The following SMARCC1 variants were observed in gnomAD, a reference collection of about 807,000 sequenced individuals.
SMARCC1 encodes SWI/SNF complex subunit SMARCC1.
Under a neutral mutation model 147.4 loss-of-function variants are expected in SMARCC1, and 43 were observed. The ratio of observed to expected loss-of-function variants is 0.29; its 90% confidence interval spans 0.23 to 0.38. SMARCC1 has a LOEUF of 0.38. Among genes scored for constraint, SMARCC1 ranks in the 10% least tolerant of loss-of-function variants. The pLI is 1.00. For missense variants in SMARCC1, 1,119 were observed against 1,381.1 expected (o/e 0.81, Z 3.01); for synonymous variants, 495 against 484.4 (o/e 1.02, Z -0.29).
chr3:47,605,995 TA>T lies in SMARCC1; in HGVS notation c.3043+4070del, dbSNP rs141367577. ...ATCAATTCTGCAAGTATAAAGGAAG[TA>T]AAAAAAAAAAAAACTCAGCTGAATA... On this transcript the variant is annotated intron_variant, in intron 26 of 27. Transcript: ENST00000254480. Among the ~76,000 whole-genome samples the T allele has an allele frequency of 2.9e-3, 386 of 131,106 alleles. 2 individuals are homozygous for T. The highest frequency in any genetic ancestry group is 6.2e-3 in the Admixed American group (80 of 12,846). 86.0% of individuals were successfully genotyped at this position (131,106 alleles called of 152,430 possible).
intron 13 of SMARCC1, among the ~76,000 whole-genome samples, chr3:47,686,786 AC>A (rs2106769980): frequency 6.6e-6 from 1 of 152,228 alleles, no homozygotes; most frequent in Admixed American, 6.5e-5. Context: ...AAAGATCAGG[AC>A]CAGCCTGGGC....
At chr3:47,648,170 T>C (rs552661264) in intron 21 of SMARCC1, among the ~76,000 whole-genome samples, 6 of 151,906 alleles carry the variant, frequency 3.9e-5, no homozygotes, top group East Asian at 1.9e-4. Flanking sequence ...AATTTTTGTA[T>C]TTTTAGTAGA....
intron 25 of SMARCC1, among the ~76,000 whole-genome samples, chr3:47,613,539 T>C (rs2106674051): frequency 6.6e-6 from 1 of 152,172 alleles, no homozygotes; most frequent in Admixed American, 6.5e-5. Flanking sequence ...TTTGTATTTT[T>C]AGTAGAGATG....
rs147016626 is a variant in SMARCC1 at position 47,590,586 on chromosome 3, C to T, written c.3220+75G>A. 4.4e-4 allele frequency: 572 copies of T among 1,312,890 alleles called. No individual in the cohort carries two copies. In the African/African-American group the frequency reaches 7.9e-3, roughly 18 times the overall value. The allele number at this position is 1,312,890 out of a possible 1,614,324, so 81.3% of individuals were successfully genotyped here. ...GACCTGCCAAATCTCGGGGAGAGAA[C>T]AAAGCCTCCTTCCCTTATCTACAGC... On this transcript the variant is annotated intron_variant, in intron 27 of 27. Coordinates refer to ENST00000254480, the MANE Select transcript of SMARCC1 (RefSeq NM_003074.4).
chr3:47,704,407 A>G (rs886135533), intron 10 of SMARCC1, among the ~76,000 whole-genome samples: 1 of 152,214 alleles, frequency 6.6e-6, no homozygotes, highest in Non-Finnish European at 1.5e-5. Context: ...GCATACATAT[A>G]TTTTAGAGAA....
At chr3:47,602,704 T>C (rs1456858709) in intron 26 of SMARCC1, among the ~76,000 whole-genome samples, 2 of 152,242 alleles carry the variant, frequency 1.3e-5, no homozygotes, top group Non-Finnish European at 2.9e-5. Flanking sequence ...TCTTCCACTA[T>C]TAATAATGAG....
At chr3:47,756,839 C>A (rs566773364) in intron 2 of SMARCC1, among the ~76,000 whole-genome samples, 1 of 152,048 alleles carries the variant, frequency 6.6e-6, no homozygotes, top group Non-Finnish European at 1.5e-5. Context: ...CTGTATATGA[C>A]AAGTACAAAC....
At chr3:47,612,200 G>C (rs1055132485) in intron 25 of SMARCC1, among the ~76,000 whole-genome samples, 1 of 152,224 alleles carries the variant, frequency 6.6e-6, no homozygotes, top group Non-Finnish European at 1.5e-5. Flanking sequence ...TAGTAAGTAA[G>C]AGGCAAAATG....
intron 25 of SMARCC1, among the ~76,000 whole-genome samples, chr3:47,614,407 T>C (rs1345049161): frequency 6.6e-6 from 1 of 152,218 alleles, no homozygotes; most frequent in Non-Finnish European, 1.5e-5. Flanking sequence ...ATAGCAAATG[T>C]TGAACAATAG....
intron 2 of SMARCC1, among the ~76,000 whole-genome samples, chr3:47,754,925 C>T (rs1202185088): frequency 1.3e-5 from 2 of 152,068 alleles, no homozygotes; most frequent in Non-Finnish European, 2.9e-5. Context: ...CACTTGTAAT[C>T]CCAGCTACTT....
chr3:47,779,259 T>TA (rs2106884808), intron 1 of SMARCC1, among the ~76,000 whole-genome samples: 1 of 152,066 alleles, frequency 6.6e-6, no homozygotes, highest in African/African-American at 2.4e-5. Context: ...TAAAAATAAA[T>TA]AAAAAATGAC....
chr3:47,586,870 G>T lies in SMARCC1; in HGVS notation c.*1339C>A, dbSNP rs2032078884. The T allele has an allele frequency of 6.6e-6, 1 of 152,444 alleles. No homozygotes were observed. Among genetic ancestry groups the T allele is most frequent in the African/African-American group, 2.4e-5 (1 of 41,366 alleles). The allele number at this position is 152,444 out of a possible 1,614,324, so 9.4% of individuals were successfully genotyped here. A position where few individuals can be genotyped will look rare whatever the true frequency, so the allele number is the denominator to read the frequency against. ...AACTCTCAAGTCACTTATCAGCAGG[G>T]GTAAATACGAGCTCAAATTAAGGCA... On this transcript the variant is annotated 3_prime_UTR_variant, in exon 28 of 28. Transcript: ENST00000254480.
At chr3:47,713,158 T>TA (rs1467363806) in intron 8 of SMARCC1, among the ~76,000 whole-genome samples, 3 of 151,424 alleles carry the variant, frequency 2.0e-5, no homozygotes, top group African/African-American at 4.9e-5. Context: ...CCATCTCTAC[T>TA]AAAAAAAGAA....
At chr3:47,686,983 A>C (rs1009599460) in intron 13 of SMARCC1, among the ~76,000 whole-genome samples, 1 of 151,336 alleles carries the variant, frequency 6.6e-6, no homozygotes, top group Non-Finnish European at 1.5e-5. Context: ...ACCCTGCCTC[A>C]AAAAAAAATA....
chr3:47,710,942 A>T, intron 8 of SMARCC1, 134 bp from the exon 9 acceptor site: 1 of 563,460 alleles, frequency 1.8e-6, no homozygotes, highest in Admixed American at 3.6e-5. Context: ...TGATACTACT[A>T]ATGATATGTG....
intron 24 of SMARCC1, among the ~76,000 whole-genome samples, chr3:47,623,657 G>A (rs1173202464): frequency 1.3e-5 from 2 of 151,980 alleles, no homozygotes; most frequent in African/African-American, 4.8e-5. Context: ...CATTATCATT[G>A]TACAATGTTA....
At chr3:47,663,821 G>A in intron 19 of SMARCC1, 2 of 1,583,642 alleles carry the variant, frequency 1.3e-6, no homozygotes, top group Non-Finnish European at 1.7e-6. Flanking sequence ...CTTCCACCGG[G>A]GCAACAGCCA....
rs539630387 is a variant in SMARCC1 at position 47,741,123 on chromosome 3, C to G, written c.402-3013G>C. Among the ~76,000 whole-genome samples the G allele has an allele frequency of 2.6e-5, 4 of 152,040 alleles. No individual in the cohort carries two copies. In the East Asian group the frequency reaches 7.8e-4, roughly 30 times the overall value. ...TTAGAAGACCATGTTAAATGATAAACTGGAGGCATATAAGCAAAATCTAAT... is the reference window on the plus strand; with the variant it reads ...TTAGAAGACCATGTTAAATGATAAAGTGGAGGCATATAAGCAAAATCTAAT... On this transcript the variant is annotated intron_variant, in intron 3 of 27. Transcript: ENST00000254480.
chr3:47,702,562 C>T (rs2033936774), intron 10 of SMARCC1, among the ~76,000 whole-genome samples: 1 of 152,100 alleles, frequency 6.6e-6, no homozygotes, highest in South Asian at 2.1e-4. Context: ...TCGAGACCAG[C>T]CTCGGAAACA....
Sources: gnomAD v4.1 joint callset for allele counts (sites outside exome capture counted in the v4.1 genomes callset) on GRCh38, gnomAD v4.1.1 for gene constraint, MANE v1.5 for transcripts, NCBI Gene and HGNC (gene_info 2026-07-23, HGNC 2026-07-21) for gene names.